Variants in CSMD3 observed in about 807,000 individuals in gnomAD.
CSMD3 encodes CUB and Sushi multiple domains 3, also known as CUB and sushi domain-containing protein 3.
Under a neutral mutation model 435.2 loss-of-function variants are expected in CSMD3, and 177 were observed. The observed-to-expected ratio is 0.41, with a 90% CI of 0.36 to 0.46. The LOEUF (loss-of-function observed/expected upper bound fraction) is 0.46, where lower values mean the gene tolerates loss of function less well. Ranked by LOEUF, CSMD3 falls within the 20% of genes least tolerant of loss-of-function variation. CSMD3 has a pLI of 0.34. For missense variants in CSMD3, 4,265 were observed against 4,504.6 expected, an observed-to-expected ratio of 0.95 and a Z score of 1.52; for synonymous variants, 1,656 against 1,520.5, an observed-to-expected ratio of 1.09 and a Z score of -2.07.
At chr8:113,199,790 A>G (rs895178181) in intron 3 of CSMD3, among the ~76,000 whole-genome samples, 1 of 151,790 alleles carries the variant, frequency 6.6e-6, no homozygotes, top group Non-Finnish European at 1.5e-5. Context: ...TTCCATAGCT[A>G]TCCAAAGTTC....
intron 4 of CSMD3, among the ~76,000 whole-genome samples, chr8:113,145,977 A>C (rs917146444): frequency 6.6e-6 from 1 of 151,564 alleles, no homozygotes; most frequent in Non-Finnish European, 1.5e-5. Flanking sequence ...GTTGAGTACA[A>C]ATTAAGTGCT....
intron 1 of CSMD3, among the ~76,000 whole-genome samples, chr8:113,317,266 A>G (rs989254254): frequency 2.6e-5 from 4 of 152,128 alleles, no homozygotes; most frequent in African/African-American, 9.7e-5. Flanking sequence ...ATTAGCTATC[A>G]CCCATTTCTA....
At chr8:113,161,567 T>A (rs1016556604) in intron 4 of CSMD3, among the ~76,000 whole-genome samples, 13 of 151,818 alleles carry the variant, frequency 8.6e-5, no homozygotes, top group Non-Finnish European at 1.5e-4. Context: ...CTAACATAAC[T>A]TTTTGTGGTC....
At chr8:113,055,529 C>A (rs964053246) in intron 5 of CSMD3, among the ~76,000 whole-genome samples, 3 of 152,152 alleles carry the variant, frequency 2.0e-5, no homozygotes, top group African/African-American at 7.2e-5. Context: ...AAATATCATC[C>A]ATATTCTGCT....
At chr8:113,376,930 G>T in intron 1 of CSMD3, 1 of 1,466,210 alleles carries the variant, frequency 6.8e-7, no homozygotes, top group South Asian at 1.1e-5. Context: ...GGCCATAACG[G>T]ATGACGTGCG....
At chr8:112,823,767 C>T (rs1326336410) in intron 12 of CSMD3, among the ~76,000 whole-genome samples, 1 of 151,960 alleles carries the variant, frequency 6.6e-6, no homozygotes, top group African/African-American at 2.4e-5. Flanking sequence ...AGAATAAAGG[C>T]CATGTAGCAC....
At chr8:112,681,902 T>TCA (rs1327350066) in intron 16 of CSMD3, among the ~76,000 whole-genome samples, 1 of 151,864 alleles carries the variant, frequency 6.6e-6, no homozygotes, top group Admixed American at 6.6e-5. Flanking sequence ...TACATATATA[T>TCA]CACACACACA....
chr8:112,694,948 C>T (rs2076220255), intron 13 of CSMD3, among the ~76,000 whole-genome samples: 2 of 152,120 alleles, frequency 1.3e-5, no homozygotes, highest in South Asian at 4.2e-4. Context: ...TGAGGCTTGT[C>T]GGACAGTGTG....
intron 38 of CSMD3, among the ~76,000 whole-genome samples, chr8:112,369,869 TAAAGTA>T (rs1433386000): frequency 5.3e-5 from 8 of 150,726 alleles, no homozygotes; most frequent in African/African-American, 1.7e-4. Flanking sequence ...TCCCAGAACT[TAAAGTA>T]AAAGAAAAAC....
At chr8:112,922,066 G>A (rs2082760176) in intron 9 of CSMD3, among the ~76,000 whole-genome samples, 1 of 151,930 alleles carries the variant, frequency 6.6e-6, no homozygotes. Context: ...TCATATTACG[G>A]TGTTTTTCTG....
chr8:113,434,634 G>C (rs1236408819), intron 1 of CSMD3, among the ~76,000 whole-genome samples: 1 of 152,162 alleles, frequency 6.6e-6, no homozygotes, highest in Non-Finnish European at 1.5e-5. Flanking sequence ...TGTTTTTTAC[G>C]TATAGTCTGT....
intron 48 of CSMD3, 152 bp downstream of exon 48, chr8:112,314,277 A>G (rs1019638000): frequency 2.6e-5 from 18 of 680,526 alleles, no homozygotes; most frequent in South Asian, 2.5e-4. Flanking sequence ...TATAATTTTC[A>G]TATGGTATAG....
intron 17 of CSMD3, 35 bp from the exon 18 acceptor site, chr8:112,656,376 G>GTGTT: frequency 6.7e-7 from 1 of 1,490,804 alleles, no homozygotes; most frequent in Non-Finnish European, 9.3e-7. Flanking sequence ...AATATATTTA[G>GTGTT]AATTAACACT....
At chr8:112,366,328 C>T (rs542852530) in intron 38 of CSMD3, among the ~76,000 whole-genome samples, 6 of 152,288 alleles carry the variant, frequency 3.9e-5, no homozygotes, top group African/African-American at 1.4e-4. Context: ...AATGCTCCTG[C>T]TCATTCCTCT....
chr8:112,308,189 G>A (rs1194522807), intron 50 of CSMD3, among the ~76,000 whole-genome samples: 2 of 151,946 alleles, frequency 1.3e-5, no homozygotes, highest in African/African-American at 4.8e-5. Context: ...AAAAGTAAAT[G>A]GTTCCCTGAT....
At chr8:113,012,669 T>G (rs916906204) in intron 6 of CSMD3, among the ~76,000 whole-genome samples, 1 of 151,954 alleles carries the variant, frequency 6.6e-6, no homozygotes, top group Non-Finnish European at 1.5e-5. Context: ...GAGTGTAAGT[T>G]TCCTGAGGCC....
intron 1 of CSMD3, among the ~76,000 whole-genome samples, chr8:113,413,783 A>G (rs967045300): frequency 6.6e-6 from 1 of 152,180 alleles, no homozygotes; most frequent in Admixed American, 6.5e-5. Context: ...CTGGTAAGTG[A>G]TGTAACATGT....
intron 5 of CSMD3, among the ~76,000 whole-genome samples, chr8:113,080,073 A>ATTGT (rs926333130): frequency 8.6e-5 from 13 of 151,888 alleles, no homozygotes; most frequent in South Asian, 2.1e-4. Context: ...AGGACAGAGG[A>ATTGT]TTGTTTGTTT....
At chr8:112,782,774 C>G (rs1395792717) in intron 13 of CSMD3, among the ~76,000 whole-genome samples, 1 of 151,324 alleles carries the variant, frequency 6.6e-6, no homozygotes, top group Non-Finnish European at 1.5e-5. Context: ...CCTTACAGGC[C>G]GGGAAAGAGT....
Sources: allele counts gnomAD v4.1 joint callset (sites outside exome capture counted in the v4.1 genomes callset), GRCh38; gene constraint gnomAD v4.1.1; transcripts MANE v1.5; gene names NCBI Gene and HGNC (gene_info 2026-07-23, HGNC 2026-07-21).